PCDHA6: variants seen among roughly 807,000 people sequenced by gnomAD.
PCDHA6 encodes protocadherin alpha 6.
PCDHA6 carries 55 observed loss-of-function variants against 60.3 expected under a neutral mutation model. The observed-to-expected ratio is 0.91, with a 90% CI of 0.73 to 1.14. The LOEUF (loss-of-function observed/expected upper bound fraction) is 1.14, where lower values mean the gene tolerates loss of function less well. Among genes scored for constraint, PCDHA6 ranks in the 50% most tolerant of loss-of-function variants. The probability of loss-of-function intolerance (pLI) is 0.00; values close to 1 mark genes in which losing one functional copy is unlikely to be tolerated. For missense variants in PCDHA6, 1,327 were observed against 1,256.5 expected, an observed-to-expected ratio of 1.06 and a Z score of -0.85; for synonymous variants, 652 against 557.9, an observed-to-expected ratio of 1.17 and a Z score of -2.38.
chr5:141,000,417 A>ATTTT (rs1563652061), intron 3 of PCDHA6, among the ~76,000 whole-genome samples: 4 of 77,746 alleles, frequency 5.1e-5, no homozygotes, highest in African/African-American at 1.1e-4. Flanking sequence ...ATATATATAT[A>ATTTT]TATATTTTTT....
rs148283153 is a variant in PCDHA6, at chr5:140,857,227, G to A, written c.2394+26742G>A. 3.8e-6 allele frequency: 6 copies of A among 1,598,330 alleles called. No individual in the cohort carries two copies. The African/African-American group carries it at 4.0e-5, about 11-fold the overall frequency. ...CCTGCTCTCTGACGCCTCACGTTCCGTTCAAGCTGGTGTCCACCTACAAGA... is the reference window on the plus strand; with the variant it reads ...CCTGCTCTCTGACGCCTCACGTTCCATTCAAGCTGGTGTCCACCTACAAGA... On this transcript the variant is annotated intron_variant, in intron 1 of 3. Coordinates refer to ENST00000529310, the MANE Select transcript of PCDHA6 (RefSeq NM_018909.4).
chr5:140,985,416 G>A (rs1554247041), intron 3 of PCDHA6, among the ~76,000 whole-genome samples: 1 of 152,142 alleles, frequency 6.6e-6, no homozygotes, highest in Non-Finnish European at 1.5e-5. Flanking sequence ...GAAATGGAGT[G>A]AGGAGGATTT....
intron 1 of PCDHA6, among the ~76,000 whole-genome samples, chr5:140,962,643 T>G (rs1456773642): frequency 6.6e-6 from 1 of 152,222 alleles, no homozygotes; most frequent in Non-Finnish European, 1.5e-5. Context: ...GCCATCAAGT[T>G]ATGTGAAAAC....
intron 1 of PCDHA6, chr5:140,876,965 G>C (rs1554169161): frequency 1.9e-6 from 3 of 1,612,976 alleles, no homozygotes; most frequent in East Asian, 2.2e-5. Flanking sequence ...GTGGAGCGGC[G>C]GGTGGGCGAG....
intron 1 of PCDHA6, among the ~76,000 whole-genome samples, chr5:140,945,282 T>C (rs1554216856): frequency 6.6e-6 from 1 of 152,062 alleles, no homozygotes; most frequent in African/African-American, 2.4e-5. Context: ...TTTAAAACAT[T>C]GATGAAAGAA....
intron 1 of PCDHA6, chr5:140,857,825 G>C: frequency 6.3e-7 from 1 of 1,597,886 alleles, no homozygotes; most frequent in Middle Eastern, 1.7e-4. Context: ...GGTGGCTAAG[G>C]TGCGCGCAGT....
chr5:140,836,895 A>G (rs1339036250), intron 1 of PCDHA6: 1 of 615,448 alleles, frequency 1.6e-6, no homozygotes, highest in African/African-American at 1.9e-5. Context: ...ATTTGGAAGT[A>G]CGTTTAATAT....
At chr5:140,886,664 A>G (rs1404216677) in intron 1 of PCDHA6, among the ~76,000 whole-genome samples, 1 of 151,922 alleles carries the variant, frequency 6.6e-6, no homozygotes, top group East Asian at 1.9e-4. Flanking sequence ...TGTCTCTACT[A>G]AAAATACAAA....
intron 1 of PCDHA6, chr5:140,967,360 G>T: frequency 6.2e-7 from 1 of 1,607,656 alleles, no homozygotes. Flanking sequence ...TGGACCTTAA[G>T]CCCCTGCAGG....
chr5:140,857,913 G>A (rs559667430), intron 1 of PCDHA6: 1 of 1,597,802 alleles, frequency 6.3e-7, no homozygotes, highest in East Asian at 2.2e-5. Context: ...ATCCCGTTTC[G>A]CGTGGGGCTG....
chr5:140,828,300 A>C lies in PCDHA6; in HGVS notation c.209A>C (p.Asp70Ala). Residue 70 changes from aspartate (D) to alanine (A), a missense_variant, in exon 1 of 4, where the codon GAC (aspartate) becomes GCC (alanine). Coordinates refer to ENST00000529310, the MANE Select transcript of PCDHA6 (RefSeq NM_018909.4). ...VPRLFRMASK[D>A]REDLLEVNLQ... is the part of the protein sequence containing the mutation. ...CGCCTGTTCAGGATGGCCTCCAAAG[A>C]CCGCGAGGACCTTCTGGAGGTAAAT... 6.2e-7 allele frequency: 1 copy of C among 1,614,058 alleles called. No individual in the cohort carries two copies. The highest frequency in any genetic ancestry group is 8.5e-7 in the Non-Finnish European group (1 of 1,180,030).
intron 3 of PCDHA6, among the ~76,000 whole-genome samples, chr5:141,002,678 C>T (rs1361402849): frequency 6.6e-6 from 1 of 152,136 alleles, no homozygotes; most frequent in Non-Finnish European, 1.5e-5. Context: ...AAAACCTATA[C>T]GACGTGCAGA....
chr5:140,866,610 G>A (rs1177328697), intron 1 of PCDHA6: 2 of 152,124 alleles, frequency 1.3e-5, no homozygotes, highest in Admixed American at 1.3e-4. Context: ...TGGTTTTGGA[G>A]AACCTCCTGG....
intron 1 of PCDHA6, chr5:140,868,982 A>T: frequency 6.7e-7 from 1 of 1,495,310 alleles, no homozygotes; most frequent in East Asian, 2.3e-5. Context: ...ATCATACCGG[A>T]TGCCACCGTT....
intron 1 of PCDHA6, chr5:140,875,414 C>T: frequency 6.6e-7 from 1 of 1,508,510 alleles, no homozygotes; most frequent in Non-Finnish European, 8.8e-7. Context: ...CATAAAATAC[C>T]TCAGGCAAGC....
Position 140,856,181 on chromosome 5 carries a change from G to A in PCDHA6, c.2394+25696G>A, listed in dbSNP as rs781803033. 3.8e-6 allele frequency: 6 copies of A among 1,598,228 alleles called. No individual in the cohort carries two copies. In the East Asian group the frequency reaches 1.3e-4, roughly 36 times the overall value. ...GGAGGCCAGACACGGCACCTTCGTG[G>A]GCCGCATCGCGCAGGACCTGGGGCT... On this transcript the variant is annotated intron_variant, in intron 1 of 3. Transcript: ENST00000529310.
At chr5:140,918,232 A>G (rs2078581718) in intron 1 of PCDHA6, among the ~76,000 whole-genome samples, 1 of 152,166 alleles carries the variant, frequency 6.6e-6, no homozygotes, top group African/African-American at 2.4e-5. Flanking sequence ...ATTTTTGTAC[A>G]TTGATTTTGT....
chr5:140,973,631 A>G (rs1554235456), intron 1 of PCDHA6, among the ~76,000 whole-genome samples: 1 of 152,210 alleles, frequency 6.6e-6, no homozygotes, highest in African/African-American at 2.4e-5. Flanking sequence ...TGTATCTTGT[A>G]CACATTCTGA....
rs2150401429 is a variant in PCDHA6 at position 140,847,524 on chromosome 5, A to G, written c.2394+17039A>G. The stretch of plus-strand genomic sequence containing the variant: ...AAAACTTTGTAGAACTTAGTCAGGA[A>G]AAGAATCTCAAGCATAGCTTTAAAA... On this transcript the variant is annotated intron_variant, in intron 1 of 3. Coordinates refer to ENST00000529310, the MANE Select transcript of PCDHA6 (RefSeq NM_018909.4). The G allele has an allele frequency of 1.3e-5, 2 of 149,848 alleles. 1 individual carries two copies. The highest frequency in any genetic ancestry group is 3.0e-5 in the Non-Finnish European group (2 of 66,914). 9.3% of individuals were successfully genotyped at this position (149,848 alleles called of 1,614,324 possible).
Sources: gnomAD v4.1 joint callset for allele counts (sites outside exome capture counted in the v4.1 genomes callset) on GRCh38, gnomAD v4.1.1 for gene constraint, MANE v1.5 for transcripts, NCBI Gene and HGNC (gene_info 2026-07-23, HGNC 2026-07-21) for gene names.